Variants in PDE4B observed in about 807,000 individuals in gnomAD.
PDE4B encodes the protein 3',5'-cyclic-AMP phosphodiesterase 4B.
Under a neutral mutation model 82.2 loss-of-function variants are expected in PDE4B, and 20 were observed. The observed-to-expected ratio is 0.24, with a 90% CI of 0.17 to 0.35. The LOEUF is 0.35. Among genes scored for constraint, PDE4B ranks in the 10% least tolerant of loss-of-function variants. PDE4B has a pLI of 1.00. For missense variants in PDE4B, 655 were observed against 907.2 expected, an observed-to-expected ratio of 0.72 and a Z score of 3.57; for synonymous variants, 320 against 318.9, an observed-to-expected ratio of 1.00 and a Z score of -0.04.
chr1:65,799,498 A>G (rs935657576), intron 1 of PDE4B, among the ~76,000 whole-genome samples: 1 of 152,196 alleles, frequency 6.6e-6, no homozygotes, highest in African/African-American at 2.4e-5. Context: ...ATCCAGAAAA[A>G]TGAACATATA....
intron 1 of PDE4B, among the ~76,000 whole-genome samples, chr1:65,903,597 A>C (rs1646995728): frequency 6.6e-6 from 1 of 152,172 alleles, no homozygotes; most frequent in South Asian, 2.1e-4. Context: ...TTTTTAAAAA[A>C]TTTAAAAAAA....
chr1:65,857,499 A>G (rs1646406502), intron 1 of PDE4B, among the ~76,000 whole-genome samples: 1 of 152,096 alleles, frequency 6.6e-6, no homozygotes, highest in African/African-American at 2.4e-5. Context: ...TGCTCATGTT[A>G]AGAGAAGCGA....
chr1:65,970,950 C>CATT (rs976522282), intron 3 of PDE4B, among the ~76,000 whole-genome samples: 2 of 150,512 alleles, frequency 1.3e-5, no homozygotes, highest in Non-Finnish European at 2.9e-5. Context: ...GAGTTTGCCT[C>CATT]AAATAAGAAA....
chr1:65,808,588 C>A (rs1460520829), intron 1 of PDE4B, among the ~76,000 whole-genome samples: 1 of 152,184 alleles, frequency 6.6e-6, no homozygotes, highest in African/African-American at 2.4e-5. Flanking sequence ...GGGCTGAGAT[C>A]ACACTGTGAA....
intron 3 of PDE4B, among the ~76,000 whole-genome samples, chr1:65,997,274 A>T (rs374550966): frequency 5.9e-5 from 9 of 151,672 alleles, no homozygotes; most frequent in East Asian, 1.9e-4. Flanking sequence ...TTGTAATTAG[A>T]AGTTAGTAGG....
intron 8 of PDE4B, among the ~76,000 whole-genome samples, chr1:66,347,039 G>C (rs746674258): frequency 6.6e-6 from 1 of 151,976 alleles, no homozygotes. Flanking sequence ...TTTTATTTCC[G>C]GACTCAGTTG....
At chr1:65,930,098 A>T (rs1404434253) in intron 3 of PDE4B, among the ~76,000 whole-genome samples, 1 of 152,166 alleles carries the variant, frequency 6.6e-6, no homozygotes, top group African/African-American at 2.4e-5. Context: ...AAACTGAAGA[A>T]CTTGGAGTCC....
intron 3 of PDE4B, among the ~76,000 whole-genome samples, chr1:66,114,948 T>C (rs1381290900): frequency 6.6e-6 from 1 of 152,184 alleles, no homozygotes; most frequent in Non-Finnish European, 1.5e-5. Context: ...ATAAAAAATA[T>C]GGAGTTGAAT....
At chr1:66,146,991 G>A (rs575085067) in intron 3 of PDE4B, among the ~76,000 whole-genome samples, 2 of 152,130 alleles carry the variant, frequency 1.3e-5, no homozygotes, top group African/African-American at 4.8e-5. Context: ...TGAATTTGTG[G>A]ATCTATGCTC....
intron 2 of PDE4B, 33 bp downstream of exon 2, chr1:65,913,389 C>G (rs549931536): frequency 6.2e-7 from 1 of 1,606,260 alleles, no homozygotes; most frequent in East Asian, 2.2e-5. Flanking sequence ...CATGTTTGGT[C>G]TGTTCAATAA....
chr1:65,833,574 G>A (rs1646106640), intron 1 of PDE4B, among the ~76,000 whole-genome samples: 1 of 152,236 alleles, frequency 6.6e-6, no homozygotes, highest in African/African-American at 2.4e-5. Flanking sequence ...ATACTAGGCA[G>A]ATGTAGTGAT....
intron 12 of PDE4B, among the ~76,000 whole-genome samples, chr1:66,364,730 G>T (rs1324123329): frequency 2.0e-5 from 3 of 152,210 alleles, no homozygotes; most frequent in Non-Finnish European, 4.4e-5. Context: ...TATACCCTGT[G>T]TAAGTATCAT....
At position 65,895,932 on chromosome 1, in the gene PDE4B, A is replaced by AAATAATAATAAT. The variant is rs58207336; in HGVS notation, c.-70-17287_-70-17276dup. On this transcript the variant is annotated intron_variant, in intron 1 of 16. Coordinates refer to ENST00000341517, the MANE Select transcript of PDE4B (RefSeq NM_002600.4). Reference sequence around the variant, plus strand: ...GTCATCTGGGCAAAGATGAAAAAGAAAATAATAATAATAATAATAATAATA... The same window carrying AAATAATAATAAT: ...GTCATCTGGGCAAAGATGAAAAAGAAAATAATAATAATAATAATAATAATAATAATAATAATA... Among the ~76,000 whole-genome samples the AAATAATAATAAT allele has an allele frequency of 7.7e-5, 11 of 143,690 alleles. 1 individual carries two copies. Among genetic ancestry groups the AAATAATAATAAT allele is most frequent in the East Asian group, 6.1e-4 (3 of 4,934 alleles). The allele number at this position is 143,690 out of a possible 152,430, so 94.3% of individuals were successfully genotyped here. A position where few individuals can be genotyped will look rare whatever the true frequency, so the allele number is the denominator to read the frequency against.
chr1:66,244,222 A>T (rs1161057457), intron 3 of PDE4B, among the ~76,000 whole-genome samples: 1 of 152,224 alleles, frequency 6.6e-6, no homozygotes, highest in African/African-American at 2.4e-5. Flanking sequence ...AAAAATCAAG[A>T]TCCAAACCTG....
intron 7 of PDE4B, among the ~76,000 whole-genome samples, chr1:66,310,927 T>C (rs1212568183): frequency 2.6e-5 from 4 of 152,218 alleles, no homozygotes; most frequent in Admixed American, 2.0e-4. Flanking sequence ...CTAGCCCATA[T>C]TGAGTGCTCG....
chr1:66,292,342 AAAAACAATGAGATGGAGAGAGTCT>A (rs1322167451), intron 7 of PDE4B, among the ~76,000 whole-genome samples: 7 of 152,214 alleles, frequency 4.6e-5, no homozygotes, highest in African/African-American at 1.7e-4. Flanking sequence ...TTTGAAGATA[AAAAACAATGAGATGGAGAGAGTCT>A]AAGCAACCCA....
At chr1:66,039,808 T>C (rs1269170478) in intron 3 of PDE4B, among the ~76,000 whole-genome samples, 2 of 152,104 alleles carry the variant, frequency 1.3e-5, no homozygotes, top group Non-Finnish European at 2.9e-5. Flanking sequence ...TAATAATTGG[T>C]AGACAATTCA....
intron 3 of PDE4B, among the ~76,000 whole-genome samples, chr1:66,213,417 G>A (rs998421244): frequency 3.2e-4 from 49 of 152,152 alleles, no homozygotes; most frequent in African/African-American, 9.4e-4. Flanking sequence ...TGATATCCAG[G>A]TGTTCCATGG....
chr1:66,249,031 C>T (rs1446480133), intron 4 of PDE4B, among the ~76,000 whole-genome samples: 1 of 152,170 alleles, frequency 6.6e-6, no homozygotes, highest in Admixed American at 6.5e-5. Flanking sequence ...CTTTTGGAAT[C>T]TTTCCATCCA....
Sources: allele counts gnomAD v4.1 joint callset (sites outside exome capture counted in the v4.1 genomes callset), GRCh38; gene constraint gnomAD v4.1.1; transcripts MANE v1.5; gene names NCBI Gene and HGNC (gene_info 2026-07-23, HGNC 2026-07-21).